PYY: variants seen among roughly 807,000 people sequenced by gnomAD.
The protein encoded by PYY is peptide tyrosine tyrosine.
Under a neutral mutation model 10.3 loss-of-function variants are expected in PYY, and 12 were observed. That is an observed-to-expected ratio of 1.17 (90% CI 0.75 to 1.89). The LOEUF (loss-of-function observed/expected upper bound fraction) is 1.89. Among genes scored for constraint, PYY ranks in the 40% most tolerant of loss-of-function variants. PYY has a pLI of 0.00. For missense variants in PYY, 141 were observed against 134.0 expected (o/e 1.05, Z -0.26); for synonymous variants, 66 against 62.0 (o/e 1.06, Z -0.30).
Position 44,000,208 on chromosome 17 carries a change from CA to C in PYY, c.-463+4182del, listed in dbSNP as rs1202712609. On this transcript the variant is annotated intron_variant, in intron 1 of 6. Transcript: ENST00000360085. ...TGTAGTTGTAAATTTAAAGTGAGAC[CA>C]GGCGTCGAGGTTGTATGTCTTTCTC... 2.0e-5 allele frequency among the ~76,000 whole-genome samples: 3 copies of C among 152,120 alleles called. No individual in the cohort carries two copies. The East Asian group carries it at 5.8e-4, about 29-fold the overall frequency.
At chr17:43,976,424 C>CAA (rs1555618306) in intron 1 of PYY, among the ~76,000 whole-genome samples, 1 of 126,108 alleles carries the variant, frequency 7.9e-6, no homozygotes, top group Non-Finnish European at 1.7e-5. Flanking sequence ...TATACATATA[C>CAA]ATATATACAC....
intron 1 of PYY, among the ~76,000 whole-genome samples, chr17:44,003,666 CAAACAAAAA>C (rs1433061612): frequency 1.7e-5 from 1 of 57,890 alleles, no homozygotes; most frequent in African/African-American, 6.0e-5. Context: ...AACAAACAAA[CAAACAAAAA>C]AAAAAAAAAA....
chr17:43,952,972 C>G lies in PYY; in HGVS notation c.278G>C (p.Gly93Ala). ...CAGGGGTCCTCACCACAGGTCTGGG[C>G]CCTCCGACCTGCGGAAGCGAAGGGG... Reference protein sequence around the residue: ...EDRPVRSRSEGPDLW With the variant: ...EDRPVRSRSEAPDLW The change falls in exon 4 of 4, where the codon GGC becomes GCC. Residue 93 changes from glycine (G) to alanine (A), a missense_variant. By Grantham distance (60) the Gly-to-Ala change is moderately conservative. Coordinates refer to ENST00000692052, the MANE Select transcript of PYY (RefSeq NM_001394028.1). The G allele has an allele frequency of 1.3e-6, 2 of 1,565,330 alleles. No individual in the cohort carries two copies. The highest frequency in any genetic ancestry group is 3.4e-4 in the Middle Eastern group (2 of 5,808).
At position 43,976,116 on chromosome 17, in the gene PYY, T is replaced by C. The variant is rs1026648633; in HGVS notation, c.-462-9584A>G. ...ATATGCATATATACGTGTATACATG[T>C]ATACGTATATATGTATACATATATG... is the stretch of plus-strand genomic sequence containing the variant. On this transcript the variant is annotated intron_variant, in intron 1 of 6. Coordinates refer to the PYY transcript ENST00000360085. Among the ~76,000 whole-genome samples the C allele has an allele frequency of 2.6e-5, 3 of 115,284 alleles. 1 individual carries two copies. Among genetic ancestry groups the C allele is most frequent in the African/African-American group, 6.4e-5 (2 of 31,372 alleles). The allele number at this position is 115,284 out of a possible 152,430, so 75.6% of individuals were successfully genotyped here. A position where few individuals can be genotyped will look rare whatever the true frequency, so the allele number is the denominator to read the frequency against.
In PYY at chr17:43,991,684, C is replaced by T. The variant is rs116186744; in HGVS notation, c.-463+12707G>A. Among the ~76,000 whole-genome samples the T allele has an allele frequency of 3.5e-3, 533 of 152,182 alleles. 4 individuals carry two copies. Among genetic ancestry groups the T allele is most frequent in the African/African-American group, 0.012 (515 of 41,524 alleles). On this transcript the variant is annotated intron_variant, in intron 1 of 6. Coordinates refer to the PYY transcript ENST00000360085. ...CCATCTCTACAAAAAATTGGCTGGG[C>T]GTGGTGGCCCATGCCCATAGTCCCA...
chr17:43,966,873 G>A (rs940156991), intron 1 of PYY, among the ~76,000 whole-genome samples: 2 of 152,280 alleles, frequency 1.3e-5, no homozygotes, highest in Non-Finnish European at 2.9e-5. Flanking sequence ...CATCCTCACT[G>A]TCCATGGCTG....
At chr17:43,958,662 G>A (rs2048691961), upstream of PYY, among the ~76,000 whole-genome samples, 1 of 152,190 alleles carries the variant, frequency 6.6e-6, no homozygotes, top group African/African-American at 2.4e-5. Flanking sequence ...TTACGAGTGT[G>A]AGCCACCACA....
intron 1 of PYY, among the ~76,000 whole-genome samples, chr17:43,988,931 T>A (rs2048932366): frequency 6.6e-6 from 1 of 151,912 alleles, no homozygotes; most frequent in Non-Finnish European, 1.5e-5. Context: ...CCGGCTAATG[T>A]TTGTATTTTC....
Position 44,003,677 on chromosome 17 carries a change from A to C in PYY, c.-463+714T>G, listed in dbSNP as rs866483688. ...CTCAAACAAACAAACAAACAAAAAA[A>C]AAAAAAAAAAAAAGGGTTACAGAGG... On this transcript the variant is annotated intron_variant, in intron 1 of 6. Coordinates refer to the PYY transcript ENST00000360085. Among the ~76,000 whole-genome samples the C allele has an allele frequency of 1.3e-3, 202 of 150,616 alleles. 2 individuals are homozygous for C. The highest frequency in any genetic ancestry group is 4.6e-3 in the African/African-American group (189 of 40,930).
intron 1 of PYY, among the ~76,000 whole-genome samples, chr17:43,989,809 TAA>T (rs1174890162): frequency 9.5e-5 from 1 of 10,502 alleles, no homozygotes; most frequent in African/African-American, 3.9e-4. Context: ...GCTGTCTCTT[TAA>T]AAAAAAAAAA....
chr17:43,994,449 G>A (rs2048977615), intron 1 of PYY, among the ~76,000 whole-genome samples: 1 of 152,128 alleles, frequency 6.6e-6, no homozygotes. Context: ...CTCTGTTTGA[G>A]CCGCAGCCAC....
At chr17:43,998,430 C>T (rs2049004976) in intron 1 of PYY, among the ~76,000 whole-genome samples, 1 of 152,072 alleles carries the variant, frequency 6.6e-6, no homozygotes, top group South Asian at 2.1e-4. Context: ...TGGCAGCATG[C>T]ACCTGCAGTC....
intron 1 of PYY, among the ~76,000 whole-genome samples, chr17:43,989,174 A>C (rs2048935028): frequency 6.6e-6 from 1 of 151,878 alleles, no homozygotes; most frequent in Non-Finnish European, 1.5e-5. Flanking sequence ...GGAGATCAAG[A>C]CCATCCTGGC....
rs564534799 is a variant in PYY, at chr17:43,960,404, A to G, written c.-217-2376T>C. Among the ~76,000 whole-genome samples the G allele has an allele frequency of 1.1e-4, 17 of 151,068 alleles. No homozygotes were observed. The East Asian group carries it at 3.3e-3, about 30-fold the overall frequency. On this transcript the variant is annotated intron_variant, in intron 2 of 6. Transcript: ENST00000360085. ...CTAAAAATGCAAAAATTAGCCAGGC[A>G]TGGTGGCAGGTGCCTGTAATCCCAG...
intron 1 of PYY, among the ~76,000 whole-genome samples, chr17:44,003,061 AG>A (rs1003770098): frequency 2.0e-5 from 3 of 152,088 alleles, no homozygotes; most frequent in Non-Finnish European, 2.9e-5. Context: ...TTTTTGAGAC[AG>A]GGTCTCATTC....
intron 1 of PYY, among the ~76,000 whole-genome samples, chr17:43,982,687 C>T (rs1052520723): frequency 6.6e-6 from 1 of 152,226 alleles, no homozygotes; most frequent in Admixed American, 6.5e-5. Flanking sequence ...ATCTTTCAAG[C>T]TCATGAAATG....
chr17:43,971,120 G>T (rs1411042693), intron 1 of PYY, among the ~76,000 whole-genome samples: 1 of 152,144 alleles, frequency 6.6e-6, no homozygotes, highest in Non-Finnish European at 1.5e-5. Context: ...TAGAAAAAGT[G>T]CAAAATGTTT....
intron 1 of PYY, among the ~76,000 whole-genome samples, chr17:43,975,867 C>T (rs1394192953): frequency 2.6e-4 from 3 of 11,742 alleles, no homozygotes; most frequent in Non-Finnish European, 6.1e-4. Flanking sequence ...CGTGTACATA[C>T]ACGTGTCTAC....
chr17:43,978,631 C>G (rs2048864186), intron 1 of PYY, among the ~76,000 whole-genome samples: 1 of 152,178 alleles, frequency 6.6e-6, no homozygotes, highest in African/African-American at 2.4e-5. Context: ...CCAAAACAGG[C>G]TATTACACCC....
Sources: gnomAD v4.1 joint callset for allele counts (sites outside exome capture counted in the v4.1 genomes callset) on GRCh38, gnomAD v4.1.1 for gene constraint, MANE v1.5 for transcripts, NCBI Gene and HGNC (gene_info 2026-07-23, HGNC 2026-07-21) for gene names.